The following RBFOX2 variants were observed in gnomAD, a reference collection of about 807,000 sequenced individuals.
The protein encoded by RBFOX2 is RNA binding protein fox-1 homolog 2.
In RBFOX2, 10 loss-of-function variants were observed where a neutral mutation model predicts 49.1. That is an observed-to-expected ratio of 0.20 (90% CI 0.13 to 0.35). RBFOX2 has a LOEUF of 0.35. Ranked by LOEUF, RBFOX2 falls within the 10% of genes least tolerant of loss-of-function variation. RBFOX2 has a pLI of 1.00. For missense variants in RBFOX2, 323 were observed against 486.9 expected (o/e 0.66, Z 3.17); for synonymous variants, 183 against 187.4 (o/e 0.98, Z 0.19).
intron 1 of RBFOX2, among the ~76,000 whole-genome samples, chr22:35,816,578 A>G (rs897138341): frequency 2.6e-5 from 4 of 152,192 alleles, no homozygotes; most frequent in African/African-American, 9.7e-5. Flanking sequence ...AAATCTATAC[A>G]ATGAAATCTC....
intron 1 of RBFOX2, among the ~76,000 whole-genome samples, chr22:35,829,664 G>A (rs1956428158): frequency 6.6e-6 from 1 of 152,194 alleles, no homozygotes; most frequent in Admixed American, 6.5e-5. Context: ...GCGATGACAA[G>A]TTTTCAAAAG....
chr22:35,826,976 G>A (rs1285364601), intron 1 of RBFOX2, among the ~76,000 whole-genome samples: 1 of 152,070 alleles, frequency 6.6e-6, no homozygotes, highest in Non-Finnish European at 1.5e-5. Context: ...GTGGATGGGG[G>A]GATTACTTTA....
intron 2 of RBFOX2, among the ~76,000 whole-genome samples, chr22:35,785,368 G>A (rs1450696636): frequency 6.6e-6 from 1 of 152,146 alleles, no homozygotes; most frequent in Admixed American, 6.5e-5. Flanking sequence ...CCTATGAAGT[G>A]CATGCCAAAC....
At chr22:35,812,545 G>A (rs1335510667) in intron 1 of RBFOX2, among the ~76,000 whole-genome samples, 3 of 152,018 alleles carry the variant, frequency 2.0e-5, no homozygotes, top group South Asian at 2.1e-4. Context: ...AGAAGCCCTC[G>A]CTGAATCTAC....
chr22:35,876,421 T>A (rs2045094566), intron 1 of RBFOX2, among the ~76,000 whole-genome samples: 1 of 151,998 alleles, frequency 6.6e-6, no homozygotes, highest in Admixed American at 6.6e-5. Context: ...AAAAAAAGAC[T>A]ATACCGAGAA....
intron 2 of RBFOX2, among the ~76,000 whole-genome samples, chr22:35,791,249 G>A (rs528519396): frequency 6.6e-6 from 1 of 151,954 alleles, no homozygotes; most frequent in South Asian, 2.1e-4. Flanking sequence ...GCCAGGCGTG[G>A]TGGCGGGTGC....
intron 1 of RBFOX2, among the ~76,000 whole-genome samples, chr22:35,945,518 G>A (rs1007821327): frequency 5.9e-5 from 9 of 152,082 alleles, no homozygotes; most frequent in Admixed American, 5.9e-4. Context: ...ATGGCTCATT[G>A]CAGCCTCGAC....
intron 1 of RBFOX2, among the ~76,000 whole-genome samples, chr22:35,934,048 C>T (rs1484749023): frequency 6.7e-6 from 1 of 149,580 alleles, no homozygotes; most frequent in South Asian, 2.1e-4. Flanking sequence ...AACTTAGGCT[C>T]AAATTAGATG....
intron 1 of RBFOX2, among the ~76,000 whole-genome samples, chr22:35,885,716 TCTTGATTTATTTAAC>T (rs2046469779): frequency 6.6e-6 from 1 of 151,996 alleles, no homozygotes; most frequent in Admixed American, 6.6e-5. Flanking sequence ...CTTACCTCCC[TCTTGATTTATTTAAC>T]CTCTGAATAG....
intron 11 of RBFOX2, 90 bp from the exon 14 acceptor site, chr22:35,744,339 C>T: frequency 8.0e-7 from 1 of 1,242,692 alleles, no homozygotes. Flanking sequence ...GATCTAGAAA[C>T]AGCCTGCTTC....
chr22:35,898,981 G>T (rs2048208557), intron 1 of RBFOX2, among the ~76,000 whole-genome samples: 1 of 152,144 alleles, frequency 6.6e-6, no homozygotes, highest in South Asian at 2.1e-4. Context: ...AGCTGGGCAT[G>T]GTGGCGCATG....
chr22:35,798,651 A>G (rs1949221352), intron 2 of RBFOX2, among the ~76,000 whole-genome samples: 2 of 152,202 alleles, frequency 1.3e-5, no homozygotes, highest in Admixed American at 6.5e-5. Context: ...ACTCAAATAT[A>G]TTAGTTTTGT....
intron 1 of RBFOX2, among the ~76,000 whole-genome samples, chr22:35,977,106 G>A (rs1397887177): frequency 6.6e-6 from 1 of 152,012 alleles, no homozygotes; most frequent in Non-Finnish European, 1.5e-5. Flanking sequence ...TAATATTTAG[G>A]AAAATACAAA....
At chr22:35,814,462 T>A (rs1334860058) in intron 1 of RBFOX2, among the ~76,000 whole-genome samples, 2 of 151,788 alleles carry the variant, frequency 1.3e-5, no homozygotes, top group African/African-American at 4.8e-5. Flanking sequence ...TAATTCCAGA[T>A]CTTTGGGAGG....
intron 1 of RBFOX2, among the ~76,000 whole-genome samples, chr22:35,882,286 T>C (rs919423373): frequency 1.3e-5 from 2 of 152,106 alleles, no homozygotes; most frequent in African/African-American, 4.8e-5. Context: ...ATTCTACAGA[T>C]AGGTCAAGTA....
chr22:35,906,266 C>T (rs558298850), intron 1 of RBFOX2, among the ~76,000 whole-genome samples: 16 of 152,276 alleles, frequency 1.1e-4, no homozygotes, highest in South Asian at 2.1e-4. Flanking sequence ...GGGAAAGACA[C>T]TGGGAACTCA....
In RBFOX2 at chr22:35,804,833, A is replaced by G. The variant is rs1054025824; in HGVS notation, c.252+4947T>C. On this transcript the variant is annotated intron_variant, in intron 2 of 11. Transcript: ENST00000405409. ...TAGGAAGACATGAAGATCACTAAAA[A>G]TAGTCAAAAAATAAAATAAAATGAA... Among the ~76,000 whole-genome samples the G allele has an allele frequency of 1.3e-5, 2 of 152,222 alleles. 1 individual carries two copies. Among genetic ancestry groups the G allele is most frequent in the African/African-American group, 4.8e-5 (2 of 41,452 alleles).
chr22:35,964,222 T>C (rs2056427546), upstream of RBFOX2, among the ~76,000 whole-genome samples: 1 of 152,104 alleles, frequency 6.6e-6, no homozygotes, highest in Admixed American at 6.6e-5. Context: ...TTTCAGATAG[T>C]GAGGGTTGGA....
intron 2 of RBFOX2, among the ~76,000 whole-genome samples, chr22:35,801,899 C>A (rs1949859397): frequency 6.6e-6 from 1 of 152,106 alleles, no homozygotes. Context: ...CTAAAAATTT[C>A]TCATTTTATT....
Sources: gnomAD v4.1 joint callset for allele counts (sites outside exome capture counted in the v4.1 genomes callset) on GRCh38, gnomAD v4.1.1 for gene constraint, MANE v1.5 for transcripts, NCBI Gene and HGNC (gene_info 2026-07-23, HGNC 2026-07-21) for gene names.